The following XYLT1 variants were observed in gnomAD, a reference collection of about 807,000 sequenced individuals.
XYLT1 encodes beta-D-xylosyltransferase 1.
In XYLT1, 36 loss-of-function variants were observed where a neutral mutation model predicts 91.3. The observed-to-expected ratio is 0.39, with a 90% confidence interval of 0.30 to 0.52. XYLT1 has a LOEUF of 0.52. Ranked by LOEUF, XYLT1 falls within the 20% of genes least tolerant of loss-of-function variation. The probability of loss-of-function intolerance (pLI) is 0.68; values close to 1 mark genes in which losing one functional copy is unlikely to be tolerated. For missense variants in XYLT1, 1,242 were observed against 1,284.5 expected (o/e 0.97, Z 0.51); for synonymous variants, 588 against 532.0 (o/e 1.11, Z -1.45).
intron 2 of XYLT1, among the ~76,000 whole-genome samples, chr16:17,322,472 T>C (rs937108231): frequency 1.3e-5 from 2 of 152,254 alleles, no homozygotes; most frequent in African/African-American, 2.4e-5. Flanking sequence ...GCAGCTGAGA[T>C]AGGGTTTTAA....
intron 5 of XYLT1, among the ~76,000 whole-genome samples, chr16:17,182,167 C>T (rs1430056430): frequency 6.6e-6 from 1 of 152,208 alleles, no homozygotes; most frequent in Non-Finnish European, 1.5e-5. Flanking sequence ...GAGCATATAG[C>T]TCTCATACAG....
chr16:17,128,485 A>T (rs989523591), intron 9 of XYLT1, among the ~76,000 whole-genome samples: 1 of 152,216 alleles, frequency 6.6e-6, no homozygotes, highest in Non-Finnish European at 1.5e-5. Context: ...TGCATTCAAC[A>T]TCTTTGAGCA....
chr16:17,319,652 G>GCAC (rs2034687515), intron 2 of XYLT1, among the ~76,000 whole-genome samples: 1 of 152,072 alleles, frequency 6.6e-6, no homozygotes, highest in Admixed American at 6.5e-5. Context: ...TATTGGCCAG[G>GCAC]CTGGTCTTGA....
intron 5 of XYLT1, among the ~76,000 whole-genome samples, chr16:17,191,992 C>A (rs570697880): frequency 1.3e-5 from 2 of 152,050 alleles, no homozygotes; most frequent in Non-Finnish European, 2.9e-5. Flanking sequence ...CCGGGAGGGG[C>A]CAAGGACACA....
chr16:17,296,160 G>A (rs2034306463), intron 2 of XYLT1, among the ~76,000 whole-genome samples: 1 of 151,854 alleles, frequency 6.6e-6, no homozygotes, highest in South Asian at 2.1e-4. Flanking sequence ...GACAACAAAA[G>A]TGACTTCTTG....
chr16:17,340,314 GC>G (rs1305631803), intron 2 of XYLT1, among the ~76,000 whole-genome samples: 1 of 152,196 alleles, frequency 6.6e-6, no homozygotes, highest in African/African-American at 2.4e-5. Flanking sequence ...TCCTTGTATG[GC>G]CGTGGGCATG....
chr16:17,165,371 C>T (rs775351859), intron 5 of XYLT1, among the ~76,000 whole-genome samples: 3 of 152,168 alleles, frequency 2.0e-5, no homozygotes, highest in East Asian at 1.9e-4. Context: ...ATCCTTTTAA[C>T]GGTTGCACAG....
At chr16:17,133,190 G>A (rs990024642) in intron 9 of XYLT1, among the ~76,000 whole-genome samples, 3 of 152,066 alleles carry the variant, frequency 2.0e-5, no homozygotes, top group Admixed American at 6.6e-5. Context: ...TCACAGCCCT[G>A]CGGAAACCTT....
At chr16:17,414,701 C>A (rs1369744188) in intron 1 of XYLT1, among the ~76,000 whole-genome samples, 1 of 152,098 alleles carries the variant, frequency 6.6e-6, no homozygotes, top group Non-Finnish European at 1.5e-5. Flanking sequence ...TGGCGAGTGT[C>A]CTGGTTAAGG....
intron 2 of XYLT1, among the ~76,000 whole-genome samples, chr16:17,342,653 C>T (rs987674050): frequency 2.6e-5 from 4 of 151,916 alleles, no homozygotes; most frequent in Admixed American, 6.6e-5. Context: ...ACCCGGGAGA[C>T]GGAGGTTGCA....
chr16:17,205,872 C>T (rs148499931), intron 3 of XYLT1, among the ~76,000 whole-genome samples: 304 of 152,314 alleles, frequency 2.0e-3, no homozygotes, highest in African/African-American at 7.0e-3. Context: ...GAAAGGGCTG[C>T]TTCCGGCTGC....
intron 2 of XYLT1, among the ~76,000 whole-genome samples, chr16:17,321,342 C>CTTTTTTTTTTTTGTTT (rs2034716537): frequency 2.3e-5 from 1 of 43,582 alleles, no homozygotes; most frequent in Non-Finnish European, 4.2e-5. Context: ...ACTAACTAGC[C>CTTTTTTTTTTTTGTTT]TTTTTTTTTT....
At chr16:17,231,361 A>AGGCAGTGGGG (rs1281533786) in intron 3 of XYLT1, among the ~76,000 whole-genome samples, 2 of 152,124 alleles carry the variant, frequency 1.3e-5, no homozygotes, top group African/African-American at 4.8e-5. Flanking sequence ...TTCTCCCCAC[A>AGGCAGTGGGG]GGCAGTGGGG....
In XYLT1 at chr16:17,108,536, C is replaced by T. The variant is rs1355289063; in HGVS notation, c.*159G>A. On this transcript the variant is annotated 3_prime_UTR_variant, in exon 12 of 12. Transcript: ENST00000261381. Reference sequence around the variant, plus strand: ...AAAGGCAGGTTGTTGGCTGATCCTGCTTTGACCTGCTGACCTTCCCTTTCC... The same window carrying T: ...AAAGGCAGGTTGTTGGCTGATCCTGTTTTGACCTGCTGACCTTCCCTTTCC... 2.1e-5 allele frequency: 16 copies of T among 746,140 alleles called. No individual in the cohort carries two copies. Among genetic ancestry groups the T allele is most frequent in the Non-Finnish European group, 3.3e-5 (16 of 486,728 alleles). The allele number at this position is 746,140 out of a possible 1,614,324, so 46.2% of individuals were successfully genotyped here.
chr16:17,177,003 C>T (rs758542715), intron 5 of XYLT1, among the ~76,000 whole-genome samples: 2 of 152,150 alleles, frequency 1.3e-5, no homozygotes, highest in South Asian at 2.1e-4. Flanking sequence ...ACGGTCTGGC[C>T]CCCACCTGCC....
intron 3 of XYLT1, among the ~76,000 whole-genome samples, chr16:17,237,124 A>G (rs1190849919): frequency 6.6e-6 from 1 of 152,192 alleles, no homozygotes; most frequent in Admixed American, 6.5e-5. Flanking sequence ...TTAAAAGATG[A>G]AAGATTCTAA....
intron 9 of XYLT1, among the ~76,000 whole-genome samples, chr16:17,129,068 CATAGAAAAAA>C (rs1345307248): frequency 2.6e-5 from 1 of 38,234 alleles, no homozygotes. Context: ...TTCCAGGGAG[CATAGAAAAAA>C]AAAAAAAAAA....
At chr16:17,146,269 C>G (rs189166349) in intron 6 of XYLT1, among the ~76,000 whole-genome samples, 198 of 152,298 alleles carry the variant, frequency 1.3e-3, no homozygotes, top group Non-Finnish European at 2.3e-3. Flanking sequence ...TAAGTCATCA[C>G]AAAATGGATG....
At chr16:17,115,739 G>T (rs1966850684) in intron 11 of XYLT1, among the ~76,000 whole-genome samples, 1 of 128,954 alleles carries the variant, frequency 7.8e-6, no homozygotes, top group South Asian at 2.5e-4. Context: ...GCCTGCCTTG[G>T]CCTCCCAAAG....
Sources: allele counts gnomAD v4.1 joint callset (sites outside exome capture counted in the v4.1 genomes callset), GRCh38; gene constraint gnomAD v4.1.1; transcripts MANE v1.5; gene names NCBI Gene and HGNC (gene_info 2026-07-23, HGNC 2026-07-21).